IL1RAPL2: variants seen among roughly 807,000 people sequenced by gnomAD.
The protein encoded by IL1RAPL2 is X-linked interleukin-1 receptor accessory protein-like 2.
In IL1RAPL2, 3 loss-of-function variants were observed where a neutral mutation model predicts 44.1. The observed-to-expected ratio is 0.07, with a 90% confidence interval of 0.03 to 0.18. The LOEUF (loss-of-function observed/expected upper bound fraction) is 0.18. Among genes scored for constraint, IL1RAPL2 ranks in the 10% least tolerant of loss-of-function variants. The probability of loss-of-function intolerance (pLI) is 1.00; values close to 1 mark genes in which losing one functional copy is unlikely to be tolerated. For synonymous variants in IL1RAPL2, 181 were observed against 178.8 expected (o/e 1.01, Z -0.10); for missense variants, 391 against 496.4 (o/e 0.79, Z 2.02).
At chrX:105,302,688 A>G (rs1453547709) in intron 5 of IL1RAPL2, among the ~76,000 whole-genome samples, 4 of 111,803 alleles carry the variant, frequency 3.6e-5, no homozygotes, top group Non-Finnish European at 7.5e-5. Context: ...CCAGAGCTGC[A>G]AGCTATGCTG....
chrX:105,386,134 C>A (rs2035474749), intron 5 of IL1RAPL2, among the ~76,000 whole-genome samples: 1 of 111,359 alleles, frequency 9.0e-6, no homozygotes, highest in Non-Finnish European at 1.9e-5. Flanking sequence ...CGATTGTGGT[C>A]TAAATTATGT....
chrX:105,120,695 A>C (rs1392109310), intron 2 of IL1RAPL2, among the ~76,000 whole-genome samples: 2 of 111,935 alleles, frequency 1.8e-5, no homozygotes, highest in Non-Finnish European at 3.8e-5. Context: ...TAAATTTAGC[A>C]CTTAGACTAT....
chrX:105,503,617 T>C (rs1848177213), intron 6 of IL1RAPL2, among the ~76,000 whole-genome samples: 1 of 111,675 alleles, frequency 9.0e-6, no homozygotes, highest in African/African-American at 3.3e-5. Context: ...CCTTACCACA[T>C]CCATGAGTGT....
intron 2 of IL1RAPL2, among the ~76,000 whole-genome samples, chrX:104,960,730 A>G (rs1482886929): frequency 2.7e-5 from 3 of 109,512 alleles, no homozygotes; most frequent in African/African-American, 1.0e-4. Flanking sequence ...CCCTCCAAGT[A>G]TCTAATTATA....
intron 2 of IL1RAPL2, among the ~76,000 whole-genome samples, chrX:105,104,937 C>G (rs1232588182): frequency 8.9e-6 from 1 of 112,114 alleles, no homozygotes; most frequent in Non-Finnish European, 1.9e-5. Context: ...TGATTTAATT[C>G]TTAAATAATA....
chrX:105,022,987 G>C (rs1171429587), intron 2 of IL1RAPL2, among the ~76,000 whole-genome samples: 1 of 110,735 alleles, frequency 9.0e-6, no homozygotes, highest in African/African-American at 3.3e-5. Flanking sequence ...AAAAACATAA[G>C]GCACTAGATG....
At chrX:104,969,062 A>T (rs1331374564) in intron 2 of IL1RAPL2, among the ~76,000 whole-genome samples, 2 of 107,504 alleles carry the variant, frequency 1.9e-5, no homozygotes, top group Non-Finnish European at 3.9e-5. Context: ...TAAATACAGA[A>T]GGAAAAAGAC....
intron 2 of IL1RAPL2, among the ~76,000 whole-genome samples, chrX:105,062,314 C>T (rs1421094596): frequency 2.7e-5 from 3 of 111,896 alleles, no homozygotes; most frequent in Non-Finnish European, 5.7e-5. Context: ...CAGAAAAGTT[C>T]TATAAACTCT....
At chrX:105,248,600 A>G (rs1163649597) in intron 4 of IL1RAPL2, among the ~76,000 whole-genome samples, 2 of 111,504 alleles carry the variant, frequency 1.8e-5, no homozygotes, top group Non-Finnish European at 3.8e-5. Context: ...TCAATCGGAC[A>G]AGGGATTAAT....
chrX:105,512,372 A>G (rs1014087378), intron 6 of IL1RAPL2, among the ~76,000 whole-genome samples: 2 of 111,138 alleles, frequency 1.8e-5, no homozygotes, highest in African/African-American at 6.5e-5. Context: ...CTTTTTCTAT[A>G]TCTTTTGGAA....
chrX:104,749,955 T>C (rs1323879674), intron 2 of IL1RAPL2, among the ~76,000 whole-genome samples: 1 of 112,032 alleles, frequency 8.9e-6, no homozygotes, highest in Non-Finnish European at 1.9e-5. Context: ...AGTTTAGTGT[T>C]AGCCTGATAG....
chrX:105,165,774 T>A (rs755273902), intron 2 of IL1RAPL2, among the ~76,000 whole-genome samples: 51 of 111,769 alleles, frequency 4.6e-4, no homozygotes, highest in Middle Eastern at 4.2e-3. Context: ...ATAATTGTAG[T>A]TTCCTTTGCT....
At chrX:105,355,480 G>A (rs1382874768) in intron 5 of IL1RAPL2, among the ~76,000 whole-genome samples, 1 of 111,154 alleles carries the variant, frequency 9.0e-6, no homozygotes, top group African/African-American at 3.3e-5. Context: ...TGGGTGCGCC[G>A]TAGCAGAGTA....
intron 2 of IL1RAPL2, among the ~76,000 whole-genome samples, chrX:105,007,240 T>G (rs896445566): frequency 9.0e-6 from 1 of 111,439 alleles, no homozygotes; most frequent in African/African-American, 3.3e-5. Flanking sequence ...TTCTTCAGAC[T>G]TGGGGGAAAT....
intron 2 of IL1RAPL2, among the ~76,000 whole-genome samples, chrX:105,072,799 TC>T (rs1165151148): frequency 3.6e-5 from 4 of 109,971 alleles, no homozygotes; most frequent in African/African-American, 1.3e-4. Flanking sequence ...AGCTCCTCAC[TC>T]CCCAACAGGC....
chrX:105,372,356 A>G (rs1430272726), intron 5 of IL1RAPL2, among the ~76,000 whole-genome samples: 1 of 108,658 alleles, frequency 9.2e-6, no homozygotes, highest in African/African-American at 3.4e-5. Flanking sequence ...GAATTGCTTG[A>G]ACCCAGGAGG....
rs1386192047 is a variant in IL1RAPL2, at chrX:105,331,042, T to A, written c.697+63501T>A. On this transcript the variant is annotated intron_variant, in intron 5 of 10. Coordinates refer to ENST00000372582, the MANE Select transcript of IL1RAPL2 (RefSeq NM_017416.2). ...ATTAAATAAATTAATGTATATAAAGTGTTTAGAATAGTGCCTGGTACAATG... is the reference window on the plus strand; with the variant it reads ...ATTAAATAAATTAATGTATATAAAGAGTTTAGAATAGTGCCTGGTACAATG... Among the ~76,000 whole-genome samples the A allele has an allele frequency of 3.6e-5, 4 of 111,745 alleles. No individual in the cohort carries two copies. In the East Asian group the frequency reaches 8.4e-4, roughly 23 times the overall value.
intron 8 of IL1RAPL2, among the ~76,000 whole-genome samples, chrX:105,747,516 G>A (rs199673326): frequency 0.11 from 6,118 of 53,775 alleles, 715 homozygotes; most frequent in African/African-American, 0.36. Context: ...GTGTGTGTGT[G>A]TATATATATA....
intron 7 of IL1RAPL2, among the ~76,000 whole-genome samples, chrX:105,718,246 T>G (rs1409726526): frequency 8.9e-6 from 1 of 112,299 alleles, no homozygotes; most frequent in Non-Finnish European, 1.9e-5. Flanking sequence ...TTAAGAATCA[T>G]GCAGTGAAAA....
Sources: gnomAD v4.1 joint callset for allele counts (sites outside exome capture counted in the v4.1 genomes callset) on GRCh38, gnomAD v4.1.1 for gene constraint, MANE v1.5 for transcripts, NCBI Gene and HGNC (gene_info 2026-07-23, HGNC 2026-07-21) for gene names.